Variants in KSR2 observed in about 807,000 individuals in gnomAD.
KSR2 encodes the protein kinase suppressor of ras 2.
KSR2 carries 25 observed loss-of-function variants against 107.8 expected under a neutral mutation model. The observed-to-expected ratio is 0.23, with a 90% CI of 0.17 to 0.32. KSR2 has a LOEUF of 0.32. Ranked by LOEUF, KSR2 falls within the 10% of genes least tolerant of loss-of-function variation. The pLI is 1.00. For missense variants in KSR2, 887 were observed against 1,268.9 expected (o/e 0.70, Z 4.57); for synonymous variants, 480 against 507.0 (o/e 0.95, Z 0.71).
intron 4 of KSR2, among the ~76,000 whole-genome samples, chr12:117,730,391 C>A (rs1376719651): frequency 1.3e-5 from 2 of 151,870 alleles, no homozygotes; most frequent in East Asian, 3.9e-4. Flanking sequence ...TATATCCTGT[C>A]TCTATTATTA....
At chr12:117,786,123 G>A (rs1321231259) in intron 3 of KSR2, among the ~76,000 whole-genome samples, 2 of 151,798 alleles carry the variant, frequency 1.3e-5, no homozygotes, top group Non-Finnish European at 2.9e-5. Flanking sequence ...AATGACAGGA[G>A]ATTTCTTATC....
intron 14 of KSR2, among the ~76,000 whole-genome samples, chr12:117,511,619 A>G (rs1026735046): frequency 1.3e-5 from 2 of 152,236 alleles, no homozygotes; most frequent in Non-Finnish European, 2.9e-5. Context: ...AAAAAGCAGT[A>G]TCTACAAAGT....
intron 4 of KSR2, among the ~76,000 whole-genome samples, chr12:117,730,321 A>G (rs1887611031): frequency 2.0e-5 from 3 of 152,162 alleles, no homozygotes; most frequent in South Asian, 2.1e-4. Flanking sequence ...GTGGGATGCT[A>G]TAAACTGATA....
At chr12:117,755,412 A>T (rs1481917366) in intron 4 of KSR2, among the ~76,000 whole-genome samples, 2 of 152,154 alleles carry the variant, frequency 1.3e-5, no homozygotes, top group Non-Finnish European at 2.9e-5. Context: ...AATATTTCTA[A>T]CTTTTTCATT....
At chr12:117,923,473 G>A (rs1487031017) in intron 1 of KSR2, among the ~76,000 whole-genome samples, 1 of 152,038 alleles carries the variant, frequency 6.6e-6, no homozygotes, top group Non-Finnish European at 1.5e-5. Flanking sequence ...GACTGCTTGA[G>A]GCCAGGAGTT....
At chr12:117,959,809 C>T (rs1425676175) in intron 1 of KSR2, among the ~76,000 whole-genome samples, 1 of 151,908 alleles carries the variant, frequency 6.6e-6, no homozygotes, top group Non-Finnish European at 1.5e-5. Context: ...TGCACATCTG[C>T]AGTCCCCGCT....
At chr12:117,668,433 T>A (rs1230736248) in intron 4 of KSR2, among the ~76,000 whole-genome samples, 2 of 152,158 alleles carry the variant, frequency 1.3e-5, no homozygotes, top group East Asian at 3.9e-4. Context: ...CCTCACAGCC[T>A]CACAGGCAGC....
chr12:117,848,826 ATGGTGGTAG>A (rs1555249508), intron 3 of KSR2, among the ~76,000 whole-genome samples: 10 of 128,062 alleles, frequency 7.8e-5, no homozygotes, highest in South Asian at 2.9e-4. Context: ...GTGGGTGGTG[ATGGTGGTAG>A]TGGTGGTGAT....
chr12:117,655,718 C>T (rs551282430), intron 5 of KSR2, among the ~76,000 whole-genome samples: 26 of 152,318 alleles, frequency 1.7e-4, no homozygotes, highest in Admixed American at 1.4e-3. Flanking sequence ...ACCACCTGGA[C>T]ACTTTGAGCT....
chr12:117,798,264 G>A (rs117883040), intron 3 of KSR2, among the ~76,000 whole-genome samples: 5,562 of 152,232 alleles, frequency 0.037, 139 homozygotes, highest in Middle Eastern at 0.055. Flanking sequence ...TCATATCCGC[G>A]CTTCTGCCTG....
intron 4 of KSR2, among the ~76,000 whole-genome samples, chr12:117,706,429 G>A (rs1886533607): frequency 6.6e-6 from 1 of 152,080 alleles, no homozygotes. Context: ...GAAATCACTT[G>A]GCCAAGCTGC....
chr12:117,934,139 T>C (rs372417712), intron 1 of KSR2, among the ~76,000 whole-genome samples: 14 of 152,340 alleles, frequency 9.2e-5, no homozygotes, highest in East Asian at 5.8e-4. Flanking sequence ...TCTGGCTACA[T>C]TGGAACAACA....
intron 7 of KSR2, among the ~76,000 whole-genome samples, chr12:117,578,691 C>A (rs1219926493): frequency 6.6e-6 from 1 of 151,782 alleles, no homozygotes; most frequent in Non-Finnish European, 1.5e-5. Flanking sequence ...AGGGCCACAG[C>A]CAGCCTGCAG....
intron 5 of KSR2, among the ~76,000 whole-genome samples, chr12:117,586,310 G>A (rs1323040473): frequency 6.6e-6 from 1 of 152,050 alleles, no homozygotes; most frequent in African/African-American, 2.4e-5. Context: ...AATAGGGCCG[G>A]GTGCGGTGAC....
chr12:117,766,107 C>T (rs1415841427), intron 3 of KSR2, among the ~76,000 whole-genome samples: 3 of 152,194 alleles, frequency 2.0e-5, no homozygotes, highest in African/African-American at 4.8e-5. Flanking sequence ...GACAAATACT[C>T]ATAGCAGCAC....
intron 4 of KSR2, among the ~76,000 whole-genome samples, chr12:117,706,049 T>TC (rs1886516388): frequency 6.7e-6 from 1 of 148,550 alleles, no homozygotes; most frequent in Non-Finnish European, 1.5e-5. Context: ...CTTTTTTTTT[T>TC]TTTTTTTTTT....
At chr12:117,661,350 T>A (rs1884424951) in intron 5 of KSR2, among the ~76,000 whole-genome samples, 1 of 152,112 alleles carries the variant, frequency 6.6e-6, no homozygotes, top group Non-Finnish European at 1.5e-5. Context: ...TGACTCAATG[T>A]CAAGTTTACT....
chr12:117,619,320 C>T (rs968107670), intron 5 of KSR2, among the ~76,000 whole-genome samples: 2 of 151,906 alleles, frequency 1.3e-5, no homozygotes, highest in Admixed American at 1.3e-4. Flanking sequence ...AGTAACTCAT[C>T]ATTTAACATT....
chr12:117,549,609 G>T (rs1276252617), intron 9 of KSR2, among the ~76,000 whole-genome samples: 1 of 151,990 alleles, frequency 6.6e-6, no homozygotes, highest in African/African-American at 2.4e-5. Flanking sequence ...TGTGCTGGAT[G>T]AAAGAAAAAA....
Sources: gnomAD v4.1 joint callset for allele counts (sites outside exome capture counted in the v4.1 genomes callset) on GRCh38, gnomAD v4.1.1 for gene constraint, MANE v1.5 for transcripts, NCBI Gene and HGNC (gene_info 2026-07-23, HGNC 2026-07-21) for gene names.